Variants in NEO1 observed in about 807,000 individuals in gnomAD.
NEO1 encodes the protein neogenin.
In NEO1, 63 loss-of-function variants were observed where a neutral mutation model predicts 159.7. The observed-to-expected ratio is 0.39, with a 90% CI of 0.32 to 0.49. NEO1 has a LOEUF of 0.49. Among genes scored for constraint, NEO1 ranks in the 20% least tolerant of loss-of-function variants. The pLI is 0.85. For synonymous variants in NEO1, 633 were observed against 662.0 expected, an observed-to-expected ratio of 0.96 and a Z score of 0.67; for missense variants, 1,615 against 1,831.0, an observed-to-expected ratio of 0.88 and a Z score of 2.15.
At chr15:73,188,339 C>G (rs988334717) in intron 7 of NEO1, among the ~76,000 whole-genome samples, 2 of 152,026 alleles carry the variant, frequency 1.3e-5, no homozygotes, top group Non-Finnish European at 2.9e-5. Context: ...TGTATATACA[C>G]TTTTTAAAAT....
chr15:73,293,665 C>A, intron 26 of NEO1, 117 bp downstream of exon 26: 1 of 1,098,132 alleles, frequency 9.1e-7, no homozygotes, highest in East Asian at 2.6e-5. Context: ...TTTTATTTAA[C>A]TTAGCATAAC....
At chr15:73,074,553 T>C (rs1226722097) in intron 1 of NEO1, among the ~76,000 whole-genome samples, 1 of 152,226 alleles carries the variant, frequency 6.6e-6, no homozygotes, top group Non-Finnish European at 1.5e-5. Flanking sequence ...TATTATACAG[T>C]GTAATAAAAT....
At chr15:73,140,886 G>T (rs1363609449) in intron 5 of NEO1, among the ~76,000 whole-genome samples, 6 of 152,278 alleles carry the variant, frequency 3.9e-5, no homozygotes, top group Non-Finnish European at 7.3e-5. Flanking sequence ...AATTCCATTT[G>T]TGTAAACTTC....
At chr15:73,091,738 CTTTTTTT>C (rs11320847) in intron 1 of NEO1, among the ~76,000 whole-genome samples, 15 of 127,448 alleles carry the variant, frequency 1.2e-4, no homozygotes, top group Non-Finnish European at 2.3e-4. Flanking sequence ...TAATTTTACA[CTTTTTTT>C]TTTTTTTTTT....
chr15:73,179,863 G>A (rs904052743), intron 7 of NEO1, among the ~76,000 whole-genome samples: 1 of 147,900 alleles, frequency 6.8e-6, no homozygotes, highest in Non-Finnish European at 1.5e-5. Context: ...TAAATAATAT[G>A]TATATATATA....
chr15:73,296,281 C>T (rs2042364058), intron 26 of NEO1, among the ~76,000 whole-genome samples: 1 of 152,186 alleles, frequency 6.6e-6, no homozygotes, highest in African/African-American at 2.4e-5. Context: ...CTCCTCCTCC[C>T]TGCTACCCTT....
In NEO1 at chr15:73,254,749, T is replaced by G; in HGVS notation, c.2012T>G (p.Ile671Ser). The G allele has an allele frequency of 6.2e-7, 1 of 1,614,142 alleles. No homozygotes were observed. The highest frequency in any genetic ancestry group is 8.5e-7 in the Non-Finnish European group (1 of 1,180,006). ...TQNGQITGYKIRYRKASRKSD... is the reference protein window; with the variant it reads ...TQNGQITGYKSRYRKASRKSD... ...AATGGGCAGATTACTGGCTACAAGA[T>G]TCGCTACCGAAAGGCCTCCCGAAAG... is the stretch of plus-strand genomic sequence containing the variant. The change falls in exon 13 of 29, where the codon ATT becomes AGT. Residue 671 changes from isoleucine to serine, a missense_variant. Around this residue, in one of 3 missense-constraint regions of NEO1, gnomAD observed 1,018 missense variants for 1,115.4 expected, o/e 0.91. Transcript: ENST00000261908.
chr15:73,302,111 C>T (rs937852723), intron 28 of NEO1, among the ~76,000 whole-genome samples: 3 of 152,250 alleles, frequency 2.0e-5, no homozygotes, highest in African/African-American at 7.2e-5. Context: ...TACATTCCCT[C>T]AGTTCTACTC....
Position 73,244,253 on chromosome 15 carries a change from G to A in NEO1, c.1452-91G>A. 3 of 1,412,592 alleles carry A rather than the reference G, an allele frequency of 2.1e-6. No individual in the cohort carries two copies. The South Asian group carries it at 4.3e-5, about 20-fold the overall frequency. The allele number at this position is 1,412,592 out of a possible 1,614,324, so 87.5% of individuals were successfully genotyped here. A position where few individuals can be genotyped will look rare whatever the true frequency, so the allele number is the denominator to read the frequency against. ...TTTGAGAGCTAATTTGACTTACACT[G>A]ATAGATTTTTATGTGGAGTGGAAAA... On this transcript the variant is annotated intron_variant, in intron 8 of 28. Transcript: ENST00000261908.
At chr15:73,083,560 C>T (rs1013520286) in intron 1 of NEO1, among the ~76,000 whole-genome samples, 5 of 152,180 alleles carry the variant, frequency 3.3e-5, no homozygotes, top group Non-Finnish European at 7.4e-5. Context: ...TTTTACTCTG[C>T]CTTCATCTGC....
chr15:73,236,222 C>G, intron 7 of NEO1, 125 bp from the exon 8 acceptor site: 10 of 1,265,838 alleles, frequency 7.9e-6, no homozygotes, highest in South Asian at 1.5e-5. Flanking sequence ...TTTGTTTTTT[C>G]TGTTCTCTTT....
chr15:73,057,888 A>G (rs891899404), intron 1 of NEO1, among the ~76,000 whole-genome samples: 2 of 152,194 alleles, frequency 1.3e-5, no homozygotes, highest in Admixed American at 1.3e-4. Context: ...ATACATAAAT[A>G]TATGTTTGTT....
intron 9 of NEO1, among the ~76,000 whole-genome samples, chr15:73,245,240 A>C (rs888536526): frequency 2.0e-5 from 3 of 152,158 alleles, no homozygotes; most frequent in African/African-American, 4.8e-5. Context: ...AATGCCTTGC[A>C]CATGAAGAAG....
chr15:73,259,011 C>T lies in NEO1; in HGVS notation c.2203+135C>T. ...TTTAGTGCATCACGCTGCTGTTGTT[C>T]CTGTATTGCATCGAGGCTGCTGGAA... On this transcript the variant is annotated intron_variant, in intron 14 of 28. Transcript: ENST00000261908. 7 of 688,724 alleles carry T rather than the reference C, an allele frequency of 1.0e-5. No homozygotes were observed. The South Asian group carries it at 1.1e-4, about 10-fold the overall frequency. 42.7% of individuals were successfully genotyped at this position (688,724 alleles called of 1,614,324 possible).
At chr15:73,237,113 C>G (rs1030108612) in intron 8 of NEO1, among the ~76,000 whole-genome samples, 8 of 151,104 alleles carry the variant, frequency 5.3e-5, no homozygotes, top group Admixed American at 2.0e-4. Context: ...AGTCTAATCA[C>G]TATAGCCTTT....
At chr15:73,297,851 A>G (rs1380001407) in intron 26 of NEO1, among the ~76,000 whole-genome samples, 5 of 152,134 alleles carry the variant, frequency 3.3e-5, no homozygotes, top group African/African-American at 1.2e-4. Flanking sequence ...GAGGCCATGC[A>G]CAGTCCCTGG....
intron 7 of NEO1, among the ~76,000 whole-genome samples, chr15:73,203,299 G>C (rs2037012818): frequency 6.6e-6 from 1 of 152,082 alleles, no homozygotes; most frequent in Non-Finnish European, 1.5e-5. Flanking sequence ...GTTTTTTATA[G>C]TGGCTATCCT....
rs931599787 is a variant in NEO1, at chr15:73,236,131, G to A, written c.1292-216G>A. Among the ~76,000 whole-genome samples, 76 of 152,118 alleles carry A rather than the reference G, an allele frequency of 5.0e-4. 1 individual carries two copies. Among genetic ancestry groups the A allele is most frequent in the Admixed American group, 4.9e-3 (75 of 15,282 alleles). On this transcript the variant is annotated intron_variant, in intron 7 of 28. Transcript: ENST00000261908. ...AGTAGTTACCCTGGCCTGCATGTTA[G>A]CCTTCAGTTTAATGGCCTTTTTTAT...
At chr15:73,200,219 C>T (rs1596325202) in intron 7 of NEO1, among the ~76,000 whole-genome samples, 1 of 152,082 alleles carries the variant, frequency 6.6e-6, no homozygotes, top group East Asian at 1.9e-4. Flanking sequence ...GTTTAATAGA[C>T]ATAGGGCTAT....
Sources: allele counts gnomAD v4.1 joint callset (sites outside exome capture counted in the v4.1 genomes callset), GRCh38; gene constraint gnomAD v4.1.1; regional missense constraint gnomAD v4.1.1; transcripts MANE v1.5; gene names NCBI Gene and HGNC (gene_info 2026-07-23, HGNC 2026-07-21).